Variants in DGAT2 observed in about 807,000 individuals in gnomAD.
DGAT2 encodes acyl-CoA retinol O-fatty-acyltransferase.
DGAT2 carries 33 observed loss-of-function variants against 48.4 expected under a neutral mutation model. The ratio of observed to expected loss-of-function variants is 0.68; its 90% CI spans 0.52 to 0.91. The LOEUF (loss-of-function observed/expected upper bound fraction) is 0.91, where lower values mean the gene tolerates loss of function less well. DGAT2 is among the 40% of genes least tolerant of loss of function. The pLI is 0.00. For missense variants in DGAT2, 446 were observed against 493.7 expected, an observed-to-expected ratio of 0.90 and a Z score of 0.92; for synonymous variants, 191 against 194.1, an observed-to-expected ratio of 0.98 and a Z score of 0.13.
intron 1 of DGAT2, 54 bp downstream of exon 1, chr11:75,769,166 G>T: frequency 6.6e-7 from 1 of 1,508,706 alleles, no homozygotes; most frequent in Non-Finnish European, 8.8e-7. Context: ...TCTGGAAAGG[G>T]CCCTGTGGCA....
intron 1 of DGAT2, among the ~76,000 whole-genome samples, chr11:75,779,061 G>A (rs1468401988): frequency 6.6e-6 from 1 of 152,106 alleles, no homozygotes; most frequent in Admixed American, 6.5e-5. Context: ...CTGAAAACTT[G>A]GGTTTCATCA....
At chr11:75,791,167 G>A (rs2135774806) in intron 4 of DGAT2, among the ~76,000 whole-genome samples, 1 of 152,372 alleles carries the variant, frequency 6.6e-6, no homozygotes, top group African/African-American at 2.4e-5. Context: ...CCCTGCAGAA[G>A]GTAGGGGTGC....
At chr11:75,783,005 T>C (rs931786692) in intron 1 of DGAT2, among the ~76,000 whole-genome samples, 1 of 152,186 alleles carries the variant, frequency 6.6e-6, no homozygotes, top group East Asian at 1.9e-4. Flanking sequence ...GAAAGTCCTA[T>C]GAAGGTAGGA....
chr11:75,771,954 A>G (rs1944762093), intron 1 of DGAT2, among the ~76,000 whole-genome samples: 1 of 152,268 alleles, frequency 6.6e-6, no homozygotes, highest in South Asian at 2.1e-4. Context: ...CCCAACCCTC[A>G]TGTTACAGAT....
At chr11:75,779,029 C>T (rs975363559) in intron 1 of DGAT2, among the ~76,000 whole-genome samples, 2 of 152,100 alleles carry the variant, frequency 1.3e-5, no homozygotes, top group African/African-American at 2.4e-5. Flanking sequence ...CACTGCTGCC[C>T]TCAGGCATGT....
In DGAT2 at chr11:75,768,963, G is replaced by A. The variant is rs760382365; in HGVS notation, c.-29G>A. The A allele has an allele frequency of 2.0e-5, 29 of 1,465,214 alleles. No homozygotes were observed. Among genetic ancestry groups the A allele is most frequent in the Non-Finnish European group, 9.0e-7 (1 of 1,110,318 alleles). The allele number at this position is 1,465,214 out of a possible 1,614,324, so 90.8% of individuals were successfully genotyped here. A position where few individuals can be genotyped will look rare whatever the true frequency, so the allele number is the denominator to read the frequency against. On this transcript the variant is annotated 5_prime_UTR_variant, in exon 1 of 8. Coordinates refer to ENST00000228027, the MANE Select transcript of DGAT2 (RefSeq NM_032564.5). Reference sequence around the variant, plus strand: ...GGGGCGCGGGGTGAAGCGGCTTCCCGCGGGGCCGTGACTGGGCGGGCTTCA... The same window carrying A: ...GGGGCGCGGGGTGAAGCGGCTTCCCACGGGGCCGTGACTGGGCGGGCTTCA...
At chr11:75,783,193 C>A (rs906587609) in intron 1 of DGAT2, among the ~76,000 whole-genome samples, 9 of 152,128 alleles carry the variant, frequency 5.9e-5, no homozygotes, top group Admixed American at 4.6e-4. Flanking sequence ...TGGCAGTGAA[C>A]CCTGCAAGCT....
chr11:75,792,117 C>T lies in DGAT2; in HGVS notation c.429+1386C>T, dbSNP rs576265322. 3 of 152,398 alleles carry T rather than the reference C, an allele frequency of 2.0e-5. No homozygotes were observed. In the East Asian group the frequency reaches 5.8e-4, roughly 29 times the overall value. The allele number at this position is 152,398 out of a possible 1,614,324, so 9.4% of individuals were successfully genotyped here. ...GGCCAGTAGCCCCATCCACTTAGAA[C>T]AGGATGACCTGATGATTGTTGGTCA... On this transcript the variant is annotated intron_variant, in intron 4 of 7. Transcript: ENST00000228027.
intron 6 of DGAT2, among the ~76,000 whole-genome samples, chr11:75,797,807 G>A (rs1159116252): frequency 6.6e-6 from 1 of 152,172 alleles, no homozygotes; most frequent in Non-Finnish European, 1.5e-5. Context: ...CCTTCAGGGA[G>A]CACCAAGGGT....
chr11:75,782,701 G>A (rs1944879651), intron 1 of DGAT2, among the ~76,000 whole-genome samples: 1 of 152,218 alleles, frequency 6.6e-6, no homozygotes, highest in East Asian at 1.9e-4. Flanking sequence ...AACTCATCTG[G>A]CCAGGTCCCA....
intron 6 of DGAT2, 62 bp from the exon 7 acceptor site, chr11:75,798,165 G>T: frequency 6.4e-7 from 1 of 1,574,248 alleles, no homozygotes; most frequent in African/African-American, 1.3e-5. Flanking sequence ...AGGGCCTCTA[G>T]GCTGACATAG....
At position 75,796,309 on chromosome 11, in the gene DGAT2, C is replaced by G. The variant is rs756597666; in HGVS notation, c.430-19C>G. ...CCCTCTCCCAGCCAGTTTCCTCTGA[C>G]CCAAGGTCATCCTTGCAGCTGGTGA... On this transcript the variant is annotated intron_variant, in intron 4 of 7. Coordinates refer to ENST00000228027, the MANE Select transcript of DGAT2 (RefSeq NM_032564.5). The G allele has an allele frequency of 3.1e-6, 5 of 1,610,920 alleles. No homozygotes were observed. In the East Asian group the frequency reaches 1.1e-4, roughly 36 times the overall value.
intron 1 of DGAT2, among the ~76,000 whole-genome samples, chr11:75,777,898 G>A (rs966320817): frequency 6.6e-6 from 1 of 152,166 alleles, no homozygotes; most frequent in Non-Finnish European, 1.5e-5. Flanking sequence ...GCTGCCTGAT[G>A]TTACATCATA....
chr11:75,770,671 C>T (rs1565312045), intron 1 of DGAT2, among the ~76,000 whole-genome samples: 1 of 152,154 alleles, frequency 6.6e-6, no homozygotes, highest in Non-Finnish European at 1.5e-5. Flanking sequence ...AGGCAGTGAC[C>T]CTGGCTGTCA....
At chr11:75,778,680 A>C (rs1428190249) in intron 1 of DGAT2, among the ~76,000 whole-genome samples, 2 of 151,792 alleles carry the variant, frequency 1.3e-5, no homozygotes, top group Admixed American at 1.3e-4. Context: ...CAAAAATACA[A>C]ATAATTAGCC....
chr11:75,796,450 G>T lies in DGAT2; in HGVS notation c.552G>T (p.Lys184Asn). Residue 184 changes from lysine (K) to asparagine (N), a missense_variant, in exon 5 of 8, where the codon AAG becomes AAT. Physicochemically the swap from Lys to Asn is moderately conservative, Grantham distance 94. Coordinates refer to ENST00000228027, the MANE Select transcript of DGAT2 (RefSeq NM_032564.5). ...CAGAGGCCACAGAAGTGAGCAAGAA[G>T]TTCCCAGGCATACGGCCTTACCTGG... ...FSTEATEVSK[K>N]FPGIRPYLAT... The T allele has an allele frequency of 6.2e-7, 1 of 1,614,108 alleles. No individual in the cohort carries two copies. Among genetic ancestry groups the T allele is most frequent in the Non-Finnish European group, 8.5e-7 (1 of 1,180,026 alleles).
intron 1 of DGAT2, 67 bp downstream of exon 1, chr11:75,769,179 C>G: frequency 6.7e-7 from 1 of 1,492,352 alleles, no homozygotes; most frequent in Non-Finnish European, 8.9e-7. Flanking sequence ...CTGTGGCAGG[C>G]TGGTGGGTAC....
intron 6 of DGAT2, among the ~76,000 whole-genome samples, chr11:75,797,815 G>C (rs1049080262): frequency 2.0e-5 from 3 of 152,180 alleles, no homozygotes; most frequent in Non-Finnish European, 4.4e-5. Flanking sequence ...GAGCACCAAG[G>C]GTGGGGGAGG....
chr11:75,791,902 A>G (rs1335837411), intron 4 of DGAT2, among the ~76,000 whole-genome samples: 2 of 152,212 alleles, frequency 1.3e-5, no homozygotes, highest in African/African-American at 4.8e-5. Flanking sequence ...CCATGGGGCC[A>G]TGGGCAGACT....
Sources: gnomAD v4.1 joint callset for allele counts (sites outside exome capture counted in the v4.1 genomes callset) on GRCh38, gnomAD v4.1.1 for gene constraint, MANE v1.5 for transcripts, NCBI Gene and HGNC (gene_info 2026-07-23, HGNC 2026-07-21) for gene names.